The following SEPTIN6 variants were observed in gnomAD, a reference collection of about 807,000 sequenced individuals.
The protein encoded by SEPTIN6 is septin-6.
A neutral mutation model predicts 33.6 loss-of-function variants in SEPTIN6; 8 were observed. That is an observed-to-expected ratio of 0.24 (90% CI 0.14 to 0.43). The LOEUF (loss-of-function observed/expected upper bound fraction) is 0.43. SEPTIN6 is among the 20% of genes least tolerant of loss of function. SEPTIN6 has a pLI of 1.00. For missense variants in SEPTIN6, 250 were observed against 340.8 expected, an observed-to-expected ratio of 0.73 and a Z score of 2.10; for synonymous variants, 131 against 140.0, an observed-to-expected ratio of 0.94 and a Z score of 0.45.
At chrX:119,638,295 A>G (rs2054100939) in intron 6 of SEPTIN6, among the ~76,000 whole-genome samples, 1 of 111,501 alleles carries the variant, frequency 9.0e-6, no homozygotes, top group Non-Finnish European at 1.9e-5. Flanking sequence ...CCCCTCCTCA[A>G]AAGAGTGCAA....
At chrX:119,647,803 G>A (rs886884786) in intron 5 of SEPTIN6, among the ~76,000 whole-genome samples, 14 of 107,419 alleles carry the variant, frequency 1.3e-4, no homozygotes, top group African/African-American at 2.8e-4. Flanking sequence ...ACAGGCATGC[G>A]CCACCATGCC....
intron 1 of SEPTIN6, among the ~76,000 whole-genome samples, chrX:119,688,227 C>G (rs997986218): frequency 1.8e-5 from 2 of 111,959 alleles, no homozygotes; most frequent in African/African-American, 6.5e-5. Context: ...TTCCTGTCAC[C>G]CTCTGCCTCC....
chrX:119,665,191 C>T (rs1425908466), intron 2 of SEPTIN6, among the ~76,000 whole-genome samples: 5 of 107,591 alleles, frequency 4.6e-5, no homozygotes, highest in African/African-American at 6.8e-5. Context: ...GCAGCCTCTG[C>T]CTCCCGGGTT....
Position 119,633,429 on chromosome X carries a change from C to T in SEPTIN6, c.1020G>A (p.Glu340=). ...EFLGELQKKE[E]EMRQMFVQRV... ...GCTGGACGAACATCTGTCTCATCTC[C>T]TCTTCTTTTTTCTGGAGTTCCCCTA... The change falls in exon 8 of 11, where the codon GAG becomes GAA. Residue 340 remains glutamate (E), a synonymous_variant. Coordinates refer to ENST00000394610, the MANE Select transcript of SEPTIN6 (RefSeq NM_145799.4). 8.3e-7 allele frequency: 1 copy of T among 1,210,666 alleles called. No individual in the cohort carries two copies. Among genetic ancestry groups the T allele is most frequent in the African/African-American group, 1.7e-5 (1 of 57,831 alleles).
intron 1 of SEPTIN6, among the ~76,000 whole-genome samples, chrX:119,682,848 G>T (rs747817759): frequency 5.4e-5 from 6 of 111,547 alleles, no homozygotes; most frequent in African/African-American, 2.0e-4. Context: ...TTCAAACCAG[G>T]GTGGCTAAAT....
At chrX:119,615,936 CTG>C, downstream of SEPTIN6, 1 of 168,406 alleles carries the variant, frequency 5.9e-6, no homozygotes, top group Non-Finnish European at 1.1e-5. Flanking sequence ...TCAAGAGACA[CTG>C]AACAGCAGAA....
intron 4 of SEPTIN6, 94 bp downstream of exon 4, chrX:119,652,760 G>A: frequency 1.4e-6 from 1 of 708,776 alleles, no homozygotes; most frequent in Non-Finnish European, 2.1e-6. Flanking sequence ...GAGAGGATGA[G>A]GATGCCACAA....
At chrX:119,651,076 C>T (rs1377568134) in intron 4 of SEPTIN6, among the ~76,000 whole-genome samples, 1 of 108,982 alleles carries the variant, frequency 9.2e-6, no homozygotes, top group Admixed American at 9.9e-5. Flanking sequence ...ATAATCATTC[C>T]TGCCAGTAGA....
intron 1 of SEPTIN6, among the ~76,000 whole-genome samples, chrX:119,689,374 T>C (rs184640553): frequency 4.4e-5 from 5 of 112,367 alleles, no homozygotes; most frequent in African/African-American, 1.6e-4. Context: ...AGCCACCTCA[T>C]AGTCAGGGGG....
At chrX:119,677,912 T>G (rs763217363) in intron 1 of SEPTIN6, among the ~76,000 whole-genome samples, 118 of 112,579 alleles carry the variant, frequency 1.0e-3, no homozygotes, top group African/African-American at 3.5e-3. Context: ...TGAGAGTTGG[T>G]GTATTCTCTG....
intron 3 of SEPTIN6, among the ~76,000 whole-genome samples, chrX:119,655,402 C>T (rs1265834077): frequency 9.0e-6 from 1 of 111,133 alleles, no homozygotes; most frequent in Non-Finnish European, 1.9e-5. Flanking sequence ...CCACCTCTCT[C>T]CCACACTCTG....
chrX:119,680,195 TTTTATTTA>T (rs201992348), intron 1 of SEPTIN6, among the ~76,000 whole-genome samples: 1,147 of 96,883 alleles, frequency 0.012, 23 homozygotes, highest in African/African-American at 0.033. Context: ...ACACTCTTAA[TTTTATTTA>T]TTTATTTATT....
At chrX:119,656,393 G>GA (rs2054442636) in intron 3 of SEPTIN6, among the ~76,000 whole-genome samples, 1 of 112,326 alleles carries the variant, frequency 8.9e-6, no homozygotes, top group African/African-American at 3.2e-5. Context: ...CAGAGCCATG[G>GA]AGAGATCTGG....
intron 3 of SEPTIN6, among the ~76,000 whole-genome samples, chrX:119,656,297 T>C (rs1378704795): frequency 1.8e-5 from 2 of 112,007 alleles, no homozygotes; most frequent in Non-Finnish European, 3.8e-5. Context: ...GATATACATG[T>C]GATTGAGGGT....
intron 1 of SEPTIN6, among the ~76,000 whole-genome samples, chrX:119,686,897 G>A (rs1297224232): frequency 9.0e-6 from 1 of 111,713 alleles, no homozygotes; most frequent in Non-Finnish European, 1.9e-5. Flanking sequence ...CCCTATGGGA[G>A]TGCTGAGGGA....
intron 1 of SEPTIN6, among the ~76,000 whole-genome samples, chrX:119,680,889 G>C (rs2054944753): frequency 9.3e-6 from 1 of 107,494 alleles, no homozygotes; most frequent in African/African-American, 3.4e-5. Context: ...GCTGAGTTAG[G>C]AGAATCACCT....
At chrX:119,690,723 CAA>C (rs772333455) in intron 1 of SEPTIN6, among the ~76,000 whole-genome samples, 82 of 23,018 alleles carry the variant, frequency 3.6e-3, no homozygotes, top group African/African-American at 0.011. Context: ...GACTCCGTCT[CAA>C]AAAAAAAAAA....
At chrX:119,636,957 A>T in intron 7 of SEPTIN6, 70 bp downstream of exon 7, 1 of 1,123,886 alleles carries the variant, frequency 8.9e-7, no homozygotes, top group Non-Finnish European at 1.2e-6. Context: ...CTCCAGGGGA[A>T]GGCTTCCACA....
intron 3 of SEPTIN6, 34 bp downstream of exon 3, chrX:119,663,448 T>TGCCCCC: frequency 1.3e-6 from 1 of 751,151 alleles, no homozygotes; most frequent in Non-Finnish European, 2.0e-6. Context: ...TCTACCAACC[T>TGCCCCC]CCCCACCCTA....
Sources: gnomAD v4.1 joint callset for allele counts (sites outside exome capture counted in the v4.1 genomes callset) on GRCh38, gnomAD v4.1.1 for gene constraint, MANE v1.5 for transcripts, NCBI Gene and HGNC (gene_info 2026-07-23, HGNC 2026-07-21) for gene names.